Variants in PTPRD observed in about 807,000 individuals in gnomAD.
PTPRD encodes receptor-type tyrosine-protein phosphatase delta.
A neutral mutation model predicts 214.5 loss-of-function variants in PTPRD; 34 were observed. The observed-to-expected ratio is 0.16, with a 90% CI of 0.12 to 0.21. The LOEUF (loss-of-function observed/expected upper bound fraction) is 0.21, where lower values mean the gene tolerates loss of function less well. Ranked by LOEUF, PTPRD falls within the 10% of genes least tolerant of loss-of-function variation. The probability of loss-of-function intolerance (pLI) is 1.00; values close to 1 mark genes in which losing one functional copy is unlikely to be tolerated. For missense variants in PTPRD, 2,545 were observed against 2,398.7 expected, an observed-to-expected ratio of 1.06 and a Z score of -1.27; for synonymous variants, 1,128 against 845.7, an observed-to-expected ratio of 1.33 and a Z score of -5.79.
chr9:8,956,859 T>C (rs894696458), intron 11 of PTPRD, among the ~76,000 whole-genome samples: 7 of 151,944 alleles, frequency 4.6e-5, no homozygotes, highest in Admixed American at 2.0e-4. Context: ...AAACTACCAA[T>C]CACCCAGGCC....
intron 9 of PTPRD, among the ~76,000 whole-genome samples, chr9:9,267,902 C>T (rs969480565): frequency 2.0e-5 from 3 of 151,054 alleles, no homozygotes; most frequent in African/African-American, 7.3e-5. Context: ...CTGTATTTGA[C>T]CAGCCCATAG....
intron 4 of PTPRD, among the ~76,000 whole-genome samples, chr9:9,960,909 C>T (rs1191876553): frequency 6.6e-6 from 1 of 152,052 alleles, no homozygotes; most frequent in Non-Finnish European, 1.5e-5. Flanking sequence ...GCAATCTACT[C>T]ATCTGACAAA....
intron 14 of PTPRD, among the ~76,000 whole-genome samples, chr9:8,612,196 T>G (rs919262245): frequency 6.6e-6 from 1 of 152,240 alleles, no homozygotes; most frequent in Non-Finnish European, 1.5e-5. Flanking sequence ...GATATTTCAA[T>G]GTTAACTACT....
At chr9:10,275,929 G>A (rs544128074) in intron 3 of PTPRD, among the ~76,000 whole-genome samples, 1 of 152,252 alleles carries the variant, frequency 6.6e-6, no homozygotes, top group African/African-American at 2.4e-5. Flanking sequence ...TGTAACTTGG[G>A]ATAATTCTGA....
chr9:9,265,036 AAAGCATATTCTTT>A (rs1345606231), intron 9 of PTPRD, among the ~76,000 whole-genome samples: 11 of 151,898 alleles, frequency 7.2e-5, no homozygotes, highest in African/African-American at 2.4e-4. Context: ...AAGAAATGCT[AAAGCATATTCTTT>A]AAGCTGAAAC....
rs2132508322 is a variant in PTPRD, at chr9:8,341,839, G to C, written c.4801C>G (p.Gln1601Glu). Reference protein sequence around the residue: ...QRNYMVQTEDQYIFIHDALLE... With the variant: ...QRNYMVQTEDEYIFIHDALLE... The stretch of plus-strand genomic sequence containing the variant: ...AGTGCATCATGGATAAAGATGTATT[G>C]GTCTTCTGTTTGAACCATATAGTTC... Residue 1601 changes from glutamine (Q) to glutamate (E), a missense_variant, in exon 40 of 46, where the codon CAA becomes GAA. Gln to Glu is a conservative substitution (Grantham distance 29). Transcript: ENST00000381196. The C allele has an allele frequency of 6.2e-7, 1 of 1,613,382 alleles. No individual in the cohort carries two copies. Among genetic ancestry groups the C allele is most frequent in the Non-Finnish European group, 8.5e-7 (1 of 1,179,680 alleles).
chr9:9,987,575 T>G (rs747025168), intron 4 of PTPRD, among the ~76,000 whole-genome samples: 1 of 152,104 alleles, frequency 6.6e-6, no homozygotes, highest in Non-Finnish European at 1.5e-5. Context: ...ATGTGGGAAT[T>G]ATGGGAGCTA....
At chr9:10,219,304 C>G (rs2099555207) in intron 3 of PTPRD, among the ~76,000 whole-genome samples, 1 of 151,890 alleles carries the variant, frequency 6.6e-6, no homozygotes, top group African/African-American at 2.4e-5. Flanking sequence ...TGCAAATTCT[C>G]TAAGCATTAG....
At chr9:8,801,022 C>T (rs1354844634) in intron 11 of PTPRD, among the ~76,000 whole-genome samples, 1 of 152,148 alleles carries the variant, frequency 6.6e-6, no homozygotes, top group East Asian at 1.9e-4. Context: ...TTAGTTTCTT[C>T]ATCTGCAAAG....
intron 5 of PTPRD, among the ~76,000 whole-genome samples, chr9:9,887,676 T>C (rs1171017003): frequency 6.6e-6 from 1 of 152,110 alleles, no homozygotes; most frequent in Non-Finnish European, 1.5e-5. Context: ...CAGTTTCTAG[T>C]GAAAGACCTA....
In PTPRD at chr9:9,504,949, G is replaced by A. The variant is rs150207778; in HGVS notation, c.-237+69783C>T. 2.0e-5 allele frequency among the ~76,000 whole-genome samples: 3 copies of A among 151,672 alleles called. No individual in the cohort carries two copies. The East Asian group carries it at 5.8e-4, about 29-fold the overall frequency. Reference sequence around the variant, plus strand: ...TGATTGCAGTAGAGAGGCTAAGAAGGCATCATTCTTGGGCAATCCAGAATG... The same window carrying A: ...TGATTGCAGTAGAGAGGCTAAGAAGACATCATTCTTGGGCAATCCAGAATG... On this transcript the variant is annotated intron_variant, in intron 8 of 45. Transcript: ENST00000381196.
intron 45 of PTPRD, among the ~76,000 whole-genome samples, chr9:8,319,489 C>G (rs953818833): frequency 1.3e-5 from 2 of 151,612 alleles, no homozygotes; most frequent in African/African-American, 2.4e-5. Flanking sequence ...ATATTATGTA[C>G]TAAATATTAT....
chr9:8,643,264 T>G (rs2096615669), intron 12 of PTPRD, among the ~76,000 whole-genome samples: 1 of 152,068 alleles, frequency 6.6e-6, no homozygotes, highest in African/African-American at 2.4e-5. Flanking sequence ...ATATACGGTG[T>G]TTTCAAAGAG....
At chr9:10,102,225 TC>T (rs1215922295) in intron 3 of PTPRD, among the ~76,000 whole-genome samples, 2 of 151,692 alleles carry the variant, frequency 1.3e-5, no homozygotes, top group African/African-American at 2.4e-5. Flanking sequence ...ATATGCATTA[TC>T]TTTTGAGACT....
chr9:8,477,684 C>T (rs2096792713), intron 30 of PTPRD, among the ~76,000 whole-genome samples: 1 of 152,194 alleles, frequency 6.6e-6, no homozygotes. Flanking sequence ...TGACACTAAA[C>T]ACACACTTCT....
At chr9:9,797,763 A>T (rs1472830457) in intron 5 of PTPRD, among the ~76,000 whole-genome samples, 2 of 152,034 alleles carry the variant, frequency 1.3e-5, no homozygotes, top group African/African-American at 4.8e-5. Flanking sequence ...CAGGAGATTC[A>T]CTTGACCCCA....
intron 3 of PTPRD, among the ~76,000 whole-genome samples, chr9:10,176,693 G>T (rs2099250567): frequency 6.6e-6 from 1 of 151,948 alleles, no homozygotes; most frequent in African/African-American, 2.4e-5. Flanking sequence ...AGCCTCCAGA[G>T]ATCCTCAACC....
At chr9:9,063,233 A>C (rs191645854) in intron 10 of PTPRD, among the ~76,000 whole-genome samples, 18 of 152,288 alleles carry the variant, frequency 1.2e-4, no homozygotes, top group Non-Finnish European at 2.5e-4. Context: ...AGATAGAAAA[A>C]AACAGTAGAT....
At chr9:9,194,727 C>A (rs1161984463) in intron 9 of PTPRD, among the ~76,000 whole-genome samples, 2 of 152,050 alleles carry the variant, frequency 1.3e-5, no homozygotes, top group Non-Finnish European at 2.9e-5. Flanking sequence ...GCGCTGGGAT[C>A]CTGAGCGATA....
Sources: gnomAD v4.1 joint callset for allele counts (sites outside exome capture counted in the v4.1 genomes callset) on GRCh38, gnomAD v4.1.1 for gene constraint, MANE v1.5 for transcripts, NCBI Gene and HGNC (gene_info 2026-07-23, HGNC 2026-07-21) for gene names.